The following TEX11 variants were observed in gnomAD, a reference collection of about 807,000 sequenced individuals.
TEX11 encodes testis-expressed protein 11.
Under a neutral mutation model 84.4 loss-of-function variants are expected in TEX11, and 7 were observed. That is an observed-to-expected ratio of 0.08 (90% CI 0.05 to 0.16). The LOEUF is 0.16. TEX11 is among the 10% of genes least tolerant of loss of function. TEX11 has a pLI of 1.00. For synonymous variants in TEX11, 264 were observed against 222.8 expected, an observed-to-expected ratio of 1.18 and a Z score of -1.64; for missense variants, 551 against 660.5, an observed-to-expected ratio of 0.83 and a Z score of 1.82.
chrX:70,547,675 T>C (rs1475088591), intron 28 of TEX11, among the ~76,000 whole-genome samples: 2 of 112,025 alleles, frequency 1.8e-5, no homozygotes, highest in African/African-American at 3.2e-5. Context: ...AAAATGCTCA[T>C]CATCACTGGC....
chrX:70,565,265 G>A (rs1240213741), intron 25 of TEX11, among the ~76,000 whole-genome samples: 2 of 105,618 alleles, frequency 1.9e-5, no homozygotes, highest in Admixed American at 1.0e-4. Flanking sequence ...TTTTTTTCTT[G>A]TAAATTTGTT....
chrX:70,831,608 A>G (rs756861062), intron 8 of TEX11, among the ~76,000 whole-genome samples: 2 of 111,416 alleles, frequency 1.8e-5, no homozygotes, highest in Admixed American at 1.9e-4. Context: ...CAGCCTGGCG[A>G]CAGAGCAATA....
At chrX:70,804,187 C>T (rs1051049389) in intron 9 of TEX11, among the ~76,000 whole-genome samples, 1 of 111,753 alleles carries the variant, frequency 8.9e-6, no homozygotes, top group Non-Finnish European at 1.9e-5. Context: ...CAGCAGTTTC[C>T]GTTTGTTAAG....
At chrX:70,637,681 T>C (rs113511020) in intron 17 of TEX11, among the ~76,000 whole-genome samples, 1 of 111,279 alleles carries the variant, frequency 9.0e-6, no homozygotes, top group Non-Finnish European at 1.9e-5. Flanking sequence ...AAATACTGCA[T>C]GTTCTCACTT....
At chrX:70,518,650 A>C in the TEX11 span, among the ~76,000 whole-genome samples, 8 of 111,724 alleles carry the variant, frequency 7.2e-5, no homozygotes, top group Non-Finnish European at 1.5e-4. Context: ...CACTTGGTGC[A>C]GAGGTGAGTT....
At chrX:70,661,915 G>C (rs2089932157) in intron 16 of TEX11, among the ~76,000 whole-genome samples, 1 of 111,344 alleles carries the variant, frequency 9.0e-6, no homozygotes, top group African/African-American at 3.3e-5. Context: ...ACAAAGATGG[G>C]GAAAAAACAG....
chrX:70,849,339 C>A (rs1569454861), intron 7 of TEX11, among the ~76,000 whole-genome samples: 1 of 112,126 alleles, frequency 8.9e-6, no homozygotes, highest in East Asian at 2.8e-4. Flanking sequence ...CTTATCTGTA[C>A]AACTATTATA....
intron 8 of TEX11, among the ~76,000 whole-genome samples, chrX:70,830,896 A>C (rs938568785): frequency 1.8e-5 from 2 of 112,110 alleles, no homozygotes; most frequent in Admixed American, 9.5e-5. Context: ...AGAAAACAGT[A>C]TAGAGGTTGC....
At chrX:70,561,427 G>T (rs751207556) in intron 25 of TEX11, among the ~76,000 whole-genome samples, 28 of 88,655 alleles carry the variant, frequency 3.2e-4, no homozygotes, top group Non-Finnish European at 4.0e-4. Context: ...TCGTTCTGTC[G>T]CCCAGGCTGG....
At chrX:70,692,390 G>T (rs776585386) in intron 13 of TEX11, among the ~76,000 whole-genome samples, 2 of 110,586 alleles carry the variant, frequency 1.8e-5, no homozygotes, top group South Asian at 7.7e-4. Flanking sequence ...TTTTCATATC[G>T]TGTAACTGAA....
At chrX:70,560,049 G>A (rs1192948993) in intron 25 of TEX11, among the ~76,000 whole-genome samples, 1 of 111,174 alleles carries the variant, frequency 9.0e-6, no homozygotes, top group Non-Finnish European at 1.9e-5. Flanking sequence ...TGAGGGTGCA[G>A]CGGCTTCTCA....
At chrX:70,588,628 A>G (rs930362073) in intron 25 of TEX11, among the ~76,000 whole-genome samples, 7 of 112,039 alleles carry the variant, frequency 6.2e-5, no homozygotes, top group Non-Finnish European at 1.3e-4. Context: ...ATGAAAATGG[A>G]CTAATACACC....
Position 70,748,900 on chromosome X carries a change from G to A in TEX11, c.693-4681C>T, listed in dbSNP as rs1483342945. Reference sequence around the variant, plus strand: ...TTTGGCTTAGGATTGACTTGGCAATGCGGGCTCTTTTTTGGTTCCATATGA... The same window carrying A: ...TTTGGCTTAGGATTGACTTGGCAATACGGGCTCTTTTTTGGTTCCATATGA... On this transcript the variant is annotated intron_variant, in intron 9 of 29. Transcript: ENST00000374333. Among the ~76,000 whole-genome samples the A allele has an allele frequency of 3.9e-5, 4 of 103,285 alleles. 1 individual carries two copies. The highest frequency in any genetic ancestry group is 1.1e-4 in the Admixed American group (1 of 9,142). 89.7% of individuals were successfully genotyped at this position (103,285 alleles called of 115,157 possible). A position where few individuals can be genotyped will look rare whatever the true frequency, so the allele number is the denominator to read the frequency against.
chrX:70,565,941 A>G (rs1170243908), intron 25 of TEX11, among the ~76,000 whole-genome samples: 1 of 110,071 alleles, frequency 9.1e-6, no homozygotes, highest in Non-Finnish European at 1.9e-5. Context: ...TTCTGTGAAG[A>G]AAGTCATTGG....
intron 9 of TEX11, among the ~76,000 whole-genome samples, chrX:70,768,407 G>A (rs765786851): frequency 8.1e-5 from 9 of 111,407 alleles, no homozygotes; most frequent in Non-Finnish European, 1.5e-4. Flanking sequence ...AATAGACATC[G>A]GTAGCGCACT....
chrX:70,752,524 C>CAAAA (rs753939405), intron 9 of TEX11, among the ~76,000 whole-genome samples: 7 of 28,113 alleles, frequency 2.5e-4, no homozygotes, highest in East Asian at 1.1e-3. Context: ...TACTCTGTCT[C>CAAAA]AAAAAAAAAA....
At chrX:70,532,931 G>A (rs1314610393) in intron 28 of TEX11, among the ~76,000 whole-genome samples, 3 of 110,370 alleles carry the variant, frequency 2.7e-5, no homozygotes, top group Admixed American at 9.8e-5. Context: ...CCAGCTACTC[G>A]GAAGGCTGAG....
chrX:70,543,476 A>G (rs533851314), intron 28 of TEX11, among the ~76,000 whole-genome samples: 3 of 112,250 alleles, frequency 2.7e-5, no homozygotes, highest in African/African-American at 9.7e-5. Context: ...GTTATAGTAC[A>G]ATCTAATTTC....
intron 17 of TEX11, among the ~76,000 whole-genome samples, chrX:70,647,965 T>TAA (rs2089764267): frequency 1.8e-5 from 2 of 111,867 alleles, no homozygotes; most frequent in Non-Finnish European, 3.8e-5. Context: ...CATGCACACG[T>TAA]ATGTTTATTG....
Sources: allele counts gnomAD v4.1 joint callset (sites outside exome capture counted in the v4.1 genomes callset), GRCh38; gene constraint gnomAD v4.1.1; transcripts MANE v1.5; gene names NCBI Gene and HGNC (gene_info 2026-07-23, HGNC 2026-07-21).